ZNF423: variants seen among roughly 807,000 people sequenced by gnomAD.
ZNF423 encodes the protein Ebf-associated zinc finger protein.
ZNF423 carries 12 observed loss-of-function variants against 95.8 expected under a neutral mutation model. That is an observed-to-expected ratio of 0.13 (90% CI 0.08 to 0.20). ZNF423 has a LOEUF of 0.20. Among genes scored for constraint, ZNF423 ranks in the 10% least tolerant of loss-of-function variants. The pLI is 1.00. For synonymous variants in ZNF423, 749 were observed against 711.9 expected (o/e 1.05, Z -0.83); for missense variants, 1,316 against 1,737.1 (o/e 0.76, Z 4.31).
chr16:49,821,812 C>A lies in ZNF423; in HGVS notation c.41-32266G>T, dbSNP rs561463616. Among the ~76,000 whole-genome samples the A allele has an allele frequency of 5.1e-4, 77 of 152,262 alleles. 2 individuals are homozygous for A. In the South Asian group the frequency reaches 0.012, roughly 23 times the overall value. ...CAGGGAAGGAGGCCACACGGGGCTC[C>A]CCAGGCCTCAGGGTATTTATTACCA... On this transcript the variant is annotated intron_variant, in intron 1 of 7. Transcript: ENST00000563137.
At chr16:49,561,772 T>G (rs1011706714) in intron 5 of ZNF423, among the ~76,000 whole-genome samples, 6 of 152,210 alleles carry the variant, frequency 3.9e-5, no homozygotes, top group African/African-American at 1.2e-4. Context: ...ATAATAAATT[T>G]TATAATCCAT....
At chr16:49,854,593 C>G (rs946272323) in intron 1 of ZNF423, 4 of 985,328 alleles carry the variant, frequency 4.1e-6, no homozygotes, top group Admixed American at 6.1e-5. Context: ...ATCGTTCCCC[C>G]CTTCCTCGAT....
chr16:49,833,378 G>A (rs1020498280), intron 1 of ZNF423, among the ~76,000 whole-genome samples: 42 of 152,212 alleles, frequency 2.8e-4, no homozygotes, highest in Admixed American at 2.6e-4. Context: ...AACTGCAAGC[G>A]ATTATTTTGT....
intron 7 of ZNF423, among the ~76,000 whole-genome samples, chr16:49,503,726 C>G (rs1202677913): frequency 6.6e-6 from 1 of 152,196 alleles, no homozygotes; most frequent in Non-Finnish European, 1.5e-5. Flanking sequence ...ACACCATCAG[C>G]GCAACAAGAC....
At chr16:49,824,875 C>T (rs1309015791) in intron 1 of ZNF423, among the ~76,000 whole-genome samples, 1 of 152,192 alleles carries the variant, frequency 6.6e-6, no homozygotes, top group Non-Finnish European at 1.5e-5. Context: ...CACCTCCACC[C>T]ACCAGCAGCT....
At chr16:49,743,918 C>T (rs1025308463) in intron 2 of ZNF423, among the ~76,000 whole-genome samples, 1 of 152,158 alleles carries the variant, frequency 6.6e-6, no homozygotes, top group African/African-American at 2.4e-5. Context: ...GAGCAGGACT[C>T]GTGGAGTGGC....
chr16:49,585,716 G>T (rs981182192), intron 5 of ZNF423, among the ~76,000 whole-genome samples: 4 of 152,190 alleles, frequency 2.6e-5, no homozygotes, highest in African/African-American at 4.8e-5. Flanking sequence ...AATGCTTAAT[G>T]TATCTATCAA....
intron 5 of ZNF423, among the ~76,000 whole-genome samples, chr16:49,560,572 G>A (rs907529999): frequency 1.3e-5 from 2 of 152,330 alleles, no homozygotes; most frequent in East Asian, 1.9e-4. Flanking sequence ...TCTGGGCTTC[G>A]TGCTATCGTG....
chr16:49,734,539 A>C (rs1411892436), intron 2 of ZNF423, among the ~76,000 whole-genome samples: 1 of 152,180 alleles, frequency 6.6e-6, no homozygotes, highest in African/African-American at 2.4e-5. Flanking sequence ...GGGCTTCCCG[A>C]AAACAGCCGG....
chr16:49,680,655 TCACATGGAACCAG>T (rs2031313482), intron 3 of ZNF423, among the ~76,000 whole-genome samples: 1 of 152,110 alleles, frequency 6.6e-6, no homozygotes, highest in African/African-American at 2.4e-5. Context: ...AGCCACAGCC[TCACATGGAACCAG>T]CACATGGAGC....
chr16:49,639,720 C>A (rs1972904691), intron 3 of ZNF423, among the ~76,000 whole-genome samples: 1 of 152,176 alleles, frequency 6.6e-6, no homozygotes, highest in South Asian at 2.1e-4. Flanking sequence ...CCAGGCGGAC[C>A]CTTAACCCCA....
chr16:49,823,758 T>C (rs1478272240), intron 1 of ZNF423, among the ~76,000 whole-genome samples: 1 of 152,016 alleles, frequency 6.6e-6, no homozygotes, highest in East Asian at 1.9e-4. Context: ...CATACACACT[T>C]GCACATGTAC....
chr16:49,787,002 T>G (rs968099367), intron 2 of ZNF423, among the ~76,000 whole-genome samples: 2 of 152,178 alleles, frequency 1.3e-5, no homozygotes, highest in Non-Finnish European at 2.9e-5. Flanking sequence ...AGAGAAATTA[T>G]GGAGCTGCTG....
At chr16:49,677,230 AG>A (rs1390812548) in intron 3 of ZNF423, among the ~76,000 whole-genome samples, 3 of 9,476 alleles carry the variant, frequency 3.2e-4, no homozygotes, top group East Asian at 9.7e-3. Flanking sequence ...AAACAAGAAA[AG>A]AGAAGAGAAG....
chr16:49,672,079 G>A (rs185249736), intron 3 of ZNF423, among the ~76,000 whole-genome samples: 2 of 152,320 alleles, frequency 1.3e-5, no homozygotes, highest in East Asian at 1.9e-4. Flanking sequence ...CTAGAAAGGT[G>A]AGACAGTGCA....
intron 1 of ZNF423, among the ~76,000 whole-genome samples, chr16:49,812,168 G>A (rs1349969441): frequency 6.6e-6 from 1 of 152,230 alleles, no homozygotes; most frequent in African/African-American, 2.4e-5. Flanking sequence ...CCTATACTCA[G>A]AGAGGTTAAG....
intron 1 of ZNF423, among the ~76,000 whole-genome samples, chr16:49,819,214 C>A (rs1213675228): frequency 2.1e-5 from 3 of 140,060 alleles, no homozygotes; most frequent in Non-Finnish European, 4.6e-5. Flanking sequence ...CGTGCCACTG[C>A]ACTCCAGCCT....
At chr16:49,647,796 TTTTG>T (rs991667646) in intron 3 of ZNF423, among the ~76,000 whole-genome samples, 1 of 152,190 alleles carries the variant, frequency 6.6e-6, no homozygotes, top group African/African-American at 2.4e-5. Context: ...AGATACTATT[TTTTG>T]TTTGTTGTTT....
At chr16:49,749,375 C>T (rs2033589653) in intron 2 of ZNF423, among the ~76,000 whole-genome samples, 1 of 152,228 alleles carries the variant, frequency 6.6e-6, no homozygotes, top group African/African-American at 2.4e-5. Context: ...AGAACTGCTT[C>T]TGTGTTTCTG....
Sources: allele counts gnomAD v4.1 joint callset (sites outside exome capture counted in the v4.1 genomes callset), GRCh38; gene constraint gnomAD v4.1.1; transcripts MANE v1.5; gene names NCBI Gene and HGNC (gene_info 2026-07-23, HGNC 2026-07-21).